Variants in KAZN observed in about 807,000 individuals in gnomAD.
KAZN encodes the protein kazrin.
A neutral mutation model predicts 87.4 loss-of-function variants in KAZN; 40 were observed. The ratio of observed to expected loss-of-function variants is 0.46; its 90% CI spans 0.36 to 0.60. The LOEUF is 0.60. Ranked by LOEUF, KAZN falls within the 20% of genes least tolerant of loss-of-function variation. The pLI, the probability that KAZN is intolerant of heterozygous loss-of-function variation, is 0.00. For synonymous variants in KAZN, 466 were observed against 458.3 expected, an observed-to-expected ratio of 1.02 and a Z score of -0.22; for missense variants, 898 against 1,073.9, an observed-to-expected ratio of 0.84 and a Z score of 2.29.
intron 2 of KAZN, among the ~76,000 whole-genome samples, chr1:14,290,527 C>T (rs1653599709): frequency 6.6e-6 from 1 of 152,204 alleles, no homozygotes; most frequent in Admixed American, 6.5e-5. Context: ...TCAGCTCCAT[C>T]AGGTCATTTA....
At chr1:14,677,195 G>A (rs1451717745) in intron 1 of KAZN, among the ~76,000 whole-genome samples, 2 of 152,148 alleles carry the variant, frequency 1.3e-5, no homozygotes, top group African/African-American at 4.8e-5. Context: ...CAAGGTTACA[G>A]GTTACAGGGC....
chr1:13,899,413 A>T (rs887852909), intron 1 of KAZN, among the ~76,000 whole-genome samples: 1 of 152,190 alleles, frequency 6.6e-6, no homozygotes, highest in Non-Finnish European at 1.5e-5. Context: ...TGAAGTCCCT[A>T]TTTATTCCTG....
intron 2 of KAZN, among the ~76,000 whole-genome samples, chr1:15,007,593 G>A (rs1248654576): frequency 6.6e-6 from 1 of 152,214 alleles, no homozygotes; most frequent in Non-Finnish European, 1.5e-5. Flanking sequence ...GGGACGCAAG[G>A]TGGGCTTGGC....
intron 1 of KAZN, among the ~76,000 whole-genome samples, chr1:14,728,340 C>T (rs1643516671): frequency 1.4e-5 from 2 of 142,480 alleles, no homozygotes; most frequent in South Asian, 4.7e-4. Context: ...GCTGATCTGA[C>T]AACAGGCAGA....
chr1:14,755,683 C>G (rs1644542546), intron 1 of KAZN, among the ~76,000 whole-genome samples: 1 of 152,136 alleles, frequency 6.6e-6, no homozygotes, highest in African/African-American at 2.4e-5. Flanking sequence ...GAGGGCAGCC[C>G]CTTCCTGGCC....
At chr1:14,338,515 A>ATT (rs1308849857) in intron 2 of KAZN, among the ~76,000 whole-genome samples, 1 of 144,758 alleles carries the variant, frequency 6.9e-6, no homozygotes, top group Non-Finnish European at 1.5e-5. Context: ...AGAGAGAGAG[A>ATT]GAGAGTGAGA....
At chr1:14,275,218 A>G (rs940274439) in intron 2 of KAZN, among the ~76,000 whole-genome samples, 1 of 152,106 alleles carries the variant, frequency 6.6e-6, no homozygotes, top group Non-Finnish European at 1.5e-5. Context: ...AGTATTTGGT[A>G]TTTATTATTC....
intron 1 of KAZN, among the ~76,000 whole-genome samples, chr1:14,731,013 G>A (rs1018523591): frequency 3.3e-5 from 5 of 152,092 alleles, no homozygotes; most frequent in African/African-American, 1.2e-4. Flanking sequence ...GAAGGCCCTG[G>A]CTATTGTTCT....
At chr1:14,166,045 A>T (rs1416802380) in intron 1 of KAZN, among the ~76,000 whole-genome samples, 1 of 152,052 alleles carries the variant, frequency 6.6e-6, no homozygotes, top group Non-Finnish European at 1.5e-5. Flanking sequence ...AAAAAAACTA[A>T]CATTCACGCC....
chr1:15,095,031 C>G, intron 10 of KAZN, 98 bp downstream of exon 10: 1 of 816,464 alleles, frequency 1.2e-6, no homozygotes, highest in Non-Finnish European at 2.0e-6. Context: ...TGGGCTGAAC[C>G]AGGTGGTGGG....
At chr1:13,925,896 G>A (rs991450172) in intron 1 of KAZN, among the ~76,000 whole-genome samples, 6 of 152,154 alleles carry the variant, frequency 3.9e-5, no homozygotes, top group African/African-American at 1.4e-4. Flanking sequence ...ATTTGCTGAT[G>A]ATTGAAGTTG....
chr1:14,509,244 G>A (rs1201651317), intron 2 of KAZN, among the ~76,000 whole-genome samples: 2 of 152,194 alleles, frequency 1.3e-5, no homozygotes, highest in Non-Finnish European at 2.9e-5. Flanking sequence ...ATTGCATTTA[G>A]TTTTATACTA....
intron 1 of KAZN, among the ~76,000 whole-genome samples, chr1:14,090,759 GCCA>G (rs1320900079): frequency 6.6e-6 from 1 of 152,112 alleles, no homozygotes; most frequent in Non-Finnish European, 1.5e-5. Context: ...CTGCTCTCTG[GCCA>G]TTCTTTCTGG....
intron 1 of KAZN, among the ~76,000 whole-genome samples, chr1:14,865,061 C>T (rs921909082): frequency 9.2e-5 from 14 of 152,108 alleles, no homozygotes; most frequent in African/African-American, 3.4e-4. Context: ...CTTTCCCCGT[C>T]CAAAATGGAT....
intron 1 of KAZN, among the ~76,000 whole-genome samples, chr1:13,984,302 G>A (rs532329732): frequency 1.0e-3 from 155 of 152,286 alleles, no homozygotes; most frequent in African/African-American, 3.5e-3. Flanking sequence ...GAGCCACCGC[G>A]CCCGGCCTAT....
chr1:14,435,184 C>T (rs150181480), intron 2 of KAZN, among the ~76,000 whole-genome samples: 1 of 152,340 alleles, frequency 6.6e-6, no homozygotes, highest in Non-Finnish European at 1.5e-5. Flanking sequence ...ATCCACTGTT[C>T]TCCCTGCTTT....
At chr1:14,035,048 A>C (rs183807447) in intron 1 of KAZN, among the ~76,000 whole-genome samples, 1 of 152,166 alleles carries the variant, frequency 6.6e-6, no homozygotes, top group African/African-American at 2.4e-5. Flanking sequence ...TCAGTTTGGC[A>C]TTCCCTTTTC....
chr1:13,942,685 C>CA (rs1640986348), intron 1 of KAZN, among the ~76,000 whole-genome samples: 1 of 149,210 alleles, frequency 6.7e-6, no homozygotes, highest in African/African-American at 2.5e-5. Context: ...GACAAAACAA[C>CA]AAAAAACCAA....
chr1:14,531,399 C>T (rs1356785259), intron 2 of KAZN, among the ~76,000 whole-genome samples: 3 of 152,200 alleles, frequency 2.0e-5, no homozygotes, highest in African/African-American at 7.2e-5. Context: ...GCAGATTGAT[C>T]ACTGTATTCG....
Sources: gnomAD v4.1 joint callset for allele counts (sites outside exome capture counted in the v4.1 genomes callset) on GRCh38, gnomAD v4.1.1 for gene constraint, MANE v1.5 for transcripts, NCBI Gene and HGNC (gene_info 2026-07-23, HGNC 2026-07-21) for gene names.